LHFPL3: variants seen among roughly 807,000 people sequenced by gnomAD.
The protein encoded by LHFPL3 is LHFPL tetraspan subfamily member 3 protein.
A neutral mutation model predicts 19.3 loss-of-function variants in LHFPL3; 5 were observed. The observed-to-expected ratio is 0.26, with a 90% CI of 0.14 to 0.54. The LOEUF is 0.54. Ranked by LOEUF, LHFPL3 falls within the 20% of genes least tolerant of loss-of-function variation. The pLI is 0.94. For missense variants in LHFPL3, 249 were observed against 307.4 expected, an observed-to-expected ratio of 0.81 and a Z score of 1.42; for synonymous variants, 133 against 126.2, an observed-to-expected ratio of 1.05 and a Z score of -0.36.
In LHFPL3 at chr7:104,328,794, C is replaced by G. The variant is rs756788236; in HGVS notation, c.15C>G (p.Ala5=). The G allele has an allele frequency of 2.5e-6, 4 of 1,599,140 alleles. No individual in the cohort carries two copies. Among genetic ancestry groups the G allele is most frequent in the Non-Finnish European group, 3.4e-6 (4 of 1,172,670 alleles). The change falls in exon 1 of 3, where the codon GCC becomes GCG. Residue 5 remains alanine (A), a synonymous_variant. Transcript: ENST00000424859. The surrounding 1 kb of genome is among the most constrained non-coding windows in gnomAD (Gnocchi z 4.6). MPGA[A]AAAAAAAAAM... ...GGAGGGGGAGAATGCCCGGAGCCGC[C>G]GCCGCTGCCGCCGCCGCCGCCGCCG...
At chr7:104,790,847 G>A (rs964489380) in intron 2 of LHFPL3, among the ~76,000 whole-genome samples, 2 of 152,112 alleles carry the variant, frequency 1.3e-5, no homozygotes, top group Admixed American at 6.5e-5. Flanking sequence ...CTGCTTCCCA[G>A]GTTCAAGTAA....
At chr7:104,679,860 A>G (rs6944469) in intron 1 of LHFPL3, among the ~76,000 whole-genome samples, 75,755 of 152,030 alleles carry the variant, frequency 0.5, 19,222 homozygotes, top group South Asian at 0.65. Flanking sequence ...TGAAGGGAAG[A>G]GAGCGACACG....
intron 1 of LHFPL3, among the ~76,000 whole-genome samples, chr7:104,382,006 C>T (rs1452476330): frequency 3.3e-5 from 5 of 152,172 alleles, no homozygotes; most frequent in Admixed American, 6.5e-5. Flanking sequence ...ATTTAGCTTC[C>T]CTTCCCTCTG....
At chr7:104,724,913 C>A (rs1793563239) in intron 1 of LHFPL3, among the ~76,000 whole-genome samples, 1 of 152,196 alleles carries the variant, frequency 6.6e-6, no homozygotes, top group South Asian at 2.1e-4. Context: ...GAGCCCAAAA[C>A]CCTGACCTTG....
chr7:104,683,300 C>T (rs1792746541), intron 1 of LHFPL3, among the ~76,000 whole-genome samples: 1 of 152,150 alleles, frequency 6.6e-6, no homozygotes, highest in South Asian at 2.1e-4. Flanking sequence ...ACTGGTGAAT[C>T]TTGTAACCTG....
At chr7:104,809,241 C>T (rs1305290119) in intron 2 of LHFPL3, among the ~76,000 whole-genome samples, 3 of 152,178 alleles carry the variant, frequency 2.0e-5, no homozygotes, top group Non-Finnish European at 4.4e-5. Context: ...GCATAAGGTA[C>T]AGATATTTTA....
chr7:104,484,147 A>T lies in LHFPL3; in HGVS notation c.445+154923A>T, dbSNP rs557563791. Among the ~76,000 whole-genome samples, 118 of 152,186 alleles carry T rather than the reference A, an allele frequency of 7.8e-4. 1 individual carries two copies. Among genetic ancestry groups the T allele is most frequent in the Non-Finnish European group, 2.9e-4 (20 of 68,042 alleles). ...ACAATTCTTATTTCCTTTCTTCATT[A>T]AGAAAACCCCTTTAGCTGTGCTGTA... On this transcript the variant is annotated intron_variant, in intron 1 of 2. Coordinates refer to ENST00000424859, the MANE Select transcript of LHFPL3 (RefSeq NM_199000.3).
chr7:104,741,001 A>G (rs1310557495), intron 2 of LHFPL3, among the ~76,000 whole-genome samples: 1 of 152,226 alleles, frequency 6.6e-6, no homozygotes, highest in Non-Finnish European at 1.5e-5. Flanking sequence ...TTGTTGAACT[A>G]TGCTCTACTC....
intron 1 of LHFPL3, among the ~76,000 whole-genome samples, chr7:104,690,888 C>G (rs1270571932): frequency 6.6e-6 from 1 of 152,230 alleles, no homozygotes; most frequent in Non-Finnish European, 1.5e-5. Context: ...TGCTCTGCCA[C>G]TTGGGCCATA....
chr7:104,743,209 C>T (rs373737295), intron 2 of LHFPL3, among the ~76,000 whole-genome samples: 2 of 152,126 alleles, frequency 1.3e-5, no homozygotes, highest in East Asian at 1.9e-4. Flanking sequence ...TACCCACCCA[C>T]GGACCCATGC....
intron 2 of LHFPL3, among the ~76,000 whole-genome samples, chr7:104,843,514 G>C (rs1480020107): frequency 1.3e-5 from 2 of 152,186 alleles, no homozygotes; most frequent in African/African-American, 4.8e-5. Flanking sequence ...AAACTTCCAA[G>C]GTCGCTTTTC....
intron 1 of LHFPL3, among the ~76,000 whole-genome samples, chr7:104,358,432 G>A (rs1790328782): frequency 6.6e-6 from 1 of 152,148 alleles, no homozygotes; most frequent in South Asian, 2.1e-4. Context: ...AAAAGTGTCA[G>A]TTTCATATGT....
At chr7:104,474,704 A>G (rs904311481) in intron 1 of LHFPL3, among the ~76,000 whole-genome samples, 1 of 151,438 alleles carries the variant, frequency 6.6e-6, no homozygotes, top group African/African-American at 2.4e-5. Context: ...AAAAAAAAAA[A>G]AAAAGAAAGG....
At chr7:104,752,847 G>T (rs963930553) in intron 2 of LHFPL3, 7 of 380,018 alleles carry the variant, frequency 1.8e-5, no homozygotes, top group South Asian at 1.3e-4. Flanking sequence ...CAGCAAAACT[G>T]AGCAAAGTAA....
chr7:104,875,801 G>C lies in LHFPL3; in HGVS notation c.683-30386G>C, dbSNP rs543178345. 2.0e-5 allele frequency among the ~76,000 whole-genome samples: 3 copies of C among 152,300 alleles called. 1 individual carries two copies. The highest frequency in any genetic ancestry group is 7.2e-5 in the African/African-American group (3 of 41,564). On this transcript the variant is annotated intron_variant, in intron 2 of 2. Transcript: ENST00000424859. ...TTTCAAACATTTATTGATCACCACT[G>C]TGTGTCCCACATTGCACCAAGTGCT... is the stretch of plus-strand genomic sequence containing the variant.
chr7:104,797,560 A>G (rs1177405386), intron 2 of LHFPL3, among the ~76,000 whole-genome samples: 3 of 152,116 alleles, frequency 2.0e-5, no homozygotes, highest in Admixed American at 2.0e-4. Flanking sequence ...ATAAACCTTC[A>G]TGGTTAAAAT....
At chr7:104,664,555 C>T (rs1792295512) in intron 1 of LHFPL3, among the ~76,000 whole-genome samples, 1 of 152,150 alleles carries the variant, frequency 6.6e-6, no homozygotes, top group Non-Finnish European at 1.5e-5. Flanking sequence ...CTTTAAAGGT[C>T]CAGATAGTAA....
At chr7:104,752,322 T>C (rs567703183) in intron 2 of LHFPL3, among the ~76,000 whole-genome samples, 4 of 152,096 alleles carry the variant, frequency 2.6e-5, no homozygotes, top group Non-Finnish European at 4.4e-5. Flanking sequence ...GATTTTTTCC[T>C]TGTCTTTTCA....
At chr7:104,691,312 T>C (rs10808133) in intron 1 of LHFPL3, among the ~76,000 whole-genome samples, 79,441 of 152,088 alleles carry the variant, frequency 0.52, 21,032 homozygotes, top group East Asian at 0.59. Flanking sequence ...CCTACTTCTG[T>C]TACATTGCCT....
Sources: gnomAD v4.1 joint callset for allele counts (sites outside exome capture counted in the v4.1 genomes callset) on GRCh38, gnomAD v4.1.1 for gene constraint, Gnocchi (gnomAD v3.1) non-coding constraint, MANE v1.5 for transcripts, NCBI Gene and HGNC (gene_info 2026-07-23, HGNC 2026-07-21) for gene names.